Variants in RNF150 observed in about 807,000 individuals in gnomAD.
RNF150 encodes ring finger protein 150.
Under a neutral mutation model 39.3 loss-of-function variants are expected in RNF150, and 24 were observed. The ratio of observed to expected loss-of-function variants is 0.61; its 90% CI spans 0.44 to 0.86. RNF150 has a LOEUF of 0.86. Among genes scored for constraint, RNF150 ranks in the 40% least tolerant of loss-of-function variants. RNF150 has a pLI of 0.00. For missense variants in RNF150, 502 were observed against 587.8 expected (o/e 0.85, Z 1.51); for synonymous variants, 255 against 227.3 (o/e 1.12, Z -1.10).
intron 1 of RNF150, among the ~76,000 whole-genome samples, chr4:141,095,989 C>T (rs1466800628): frequency 1.3e-5 from 2 of 152,000 alleles, no homozygotes; most frequent in African/African-American, 4.8e-5. Flanking sequence ...TTTAAAAGTT[C>T]TGTGCATGTA....
At chr4:141,033,102 A>G (rs1463810992) in intron 1 of RNF150, among the ~76,000 whole-genome samples, 2 of 152,192 alleles carry the variant, frequency 1.3e-5, no homozygotes, top group Admixed American at 1.3e-4. Context: ...GTAGTATGTG[A>G]TGCTGTTTGA....
chr4:141,007,053 A>C (rs1464914379), intron 1 of RNF150, among the ~76,000 whole-genome samples: 1 of 152,198 alleles, frequency 6.6e-6, no homozygotes, highest in Admixed American at 6.5e-5. Context: ...CAATCTTTGC[A>C]TTGTATTACT....
At chr4:141,194,835 A>T (rs933837679) in intron 1 of RNF150, among the ~76,000 whole-genome samples, 1 of 152,088 alleles carries the variant, frequency 6.6e-6, no homozygotes, top group South Asian at 2.1e-4. Flanking sequence ...TCAAATCCTA[A>T]CTCTGCTACT....
rs1004228109 is a variant in RNF150 at position 140,966,499 on chromosome 4, T to C, written c.735+1124A>G. Among the ~76,000 whole-genome samples the C allele has an allele frequency of 3.3e-5, 5 of 152,082 alleles. No homozygotes were observed. The East Asian group carries it at 5.8e-4, about 18-fold the overall frequency. On this transcript the variant is annotated intron_variant, in intron 2 of 6. Transcript: ENST00000515673. ...ATTTCCTTGACTAATAAAGAGTTTA[T>C]ACACATTAATAAGAAAATGACAACT...
chr4:141,212,260 T>G (rs534765602), intron 1 of RNF150, among the ~76,000 whole-genome samples: 1 of 152,210 alleles, frequency 6.6e-6, no homozygotes, highest in Admixed American at 6.5e-5. Flanking sequence ...ATGTTTCCCA[T>G]GTGCCAGGCA....
chr4:140,923,799 T>G, intron 5 of RNF150, among the ~76,000 whole-genome samples: 1 of 152,092 alleles, frequency 6.6e-6, no homozygotes, highest in African/African-American at 2.4e-5. Flanking sequence ...CCATAAAAAA[T>G]GATGAGCTCA....
At chr4:141,019,943 C>T (rs575898933) in intron 1 of RNF150, among the ~76,000 whole-genome samples, 6 of 152,206 alleles carry the variant, frequency 3.9e-5, no homozygotes, top group South Asian at 2.1e-4. Context: ...ACAATACAAA[C>T]GTCTGGTTTG....
Position 141,152,787 on chromosome 4 carries a change from A to G in RNF150, c.-6+60007T>C, listed in dbSNP as rs187792935. On this transcript the variant is annotated intron_variant, in intron 1 of 7. Coordinates refer to the RNF150 transcript ENST00000420921. ...ACTTTACACACATATGTAACATCAT[A>G]TAATGGGAAGAATACTAAATTAGCC... Among the ~76,000 whole-genome samples the G allele has an allele frequency of 2.3e-3, 352 of 152,346 alleles. 1 individual carries two copies. The highest frequency in any genetic ancestry group is 4.4e-3 in the Admixed American group (67 of 15,304).
intron 1 of RNF150, among the ~76,000 whole-genome samples, chr4:141,059,419 C>T (rs1267370769): frequency 6.6e-6 from 1 of 152,102 alleles, no homozygotes; most frequent in Non-Finnish European, 1.5e-5. Flanking sequence ...GTTCTCTTGC[C>T]TATTTGCTTT....
intron 2 of RNF150, among the ~76,000 whole-genome samples, chr4:140,955,393 G>A (rs2111390516): frequency 6.6e-6 from 1 of 152,262 alleles, no homozygotes; most frequent in Middle Eastern, 3.4e-3. Flanking sequence ...AAAGTTAGAA[G>A]ACCCAGCTCT....
chr4:141,048,455 G>A (rs1388156112), intron 1 of RNF150, among the ~76,000 whole-genome samples: 1 of 152,212 alleles, frequency 6.6e-6, no homozygotes, highest in Non-Finnish European at 1.5e-5. Flanking sequence ...GTGAGCCTGG[G>A]TGCAGTGGTT....
chr4:140,958,675 C>T (rs1205884435), intron 2 of RNF150, among the ~76,000 whole-genome samples: 1 of 152,090 alleles, frequency 6.6e-6, no homozygotes, highest in Admixed American at 6.5e-5. Flanking sequence ...GTGGTTTCCT[C>T]TCTGCAACCC....
intron 1 of RNF150, among the ~76,000 whole-genome samples, chr4:141,072,558 A>G (rs1737746905): frequency 6.6e-6 from 1 of 152,248 alleles, no homozygotes; most frequent in South Asian, 2.1e-4. Flanking sequence ...ATTGTATAGT[A>G]GCAAGTGATA....
chr4:141,102,284 A>G (rs567133043), intron 1 of RNF150, among the ~76,000 whole-genome samples: 31 of 152,314 alleles, frequency 2.0e-4, no homozygotes, highest in African/African-American at 7.2e-4. Context: ...ATCTCACTGC[A>G]TAGTTTACCC....
intron 1 of RNF150, among the ~76,000 whole-genome samples, chr4:141,025,382 G>A (rs1430474934): frequency 6.6e-6 from 1 of 152,052 alleles, no homozygotes; most frequent in Non-Finnish European, 1.5e-5. Context: ...GAGGTAAATG[G>A]TGTGTAATCC....
At chr4:140,911,003 CA>C (rs1305307627) in intron 6 of RNF150, 140 bp downstream of exon 6, 3 of 695,604 alleles carry the variant, frequency 4.3e-6, no homozygotes, top group Non-Finnish European at 7.2e-6. Flanking sequence ...GTTCTTCTAA[CA>C]GCTGGCAGTT....
chr4:141,018,745 G>C (rs1735373153), intron 1 of RNF150, among the ~76,000 whole-genome samples: 1 of 151,970 alleles, frequency 6.6e-6, no homozygotes, highest in Non-Finnish European at 1.5e-5. Flanking sequence ...GTCACAAAAG[G>C]ATTTGGGGGA....
intron 1 of RNF150, among the ~76,000 whole-genome samples, chr4:141,171,955 A>G (rs949279480): frequency 6.6e-6 from 1 of 152,178 alleles, no homozygotes; most frequent in Non-Finnish European, 1.5e-5. Flanking sequence ...AGTAAGTTAA[A>G]AATACTTATA....
chr4:141,097,016 T>G (rs760120896), intron 1 of RNF150, among the ~76,000 whole-genome samples: 1 of 152,358 alleles, frequency 6.6e-6, no homozygotes, highest in East Asian at 1.9e-4. Context: ...TCAGGTTTCA[T>G]TTAAAGACAG....
Sources: allele counts gnomAD v4.1 joint callset (sites outside exome capture counted in the v4.1 genomes callset), GRCh38; gene constraint gnomAD v4.1.1; transcripts MANE v1.5; gene names NCBI Gene and HGNC (gene_info 2026-07-23, HGNC 2026-07-21).